The following P2RY8 variants were observed in gnomAD, a reference collection of about 807,000 sequenced individuals.
The protein encoded by P2RY8 is P2Y receptor family member 8.
P2RY8 carries 6 observed loss-of-function variants against 10.0 expected under a neutral mutation model. The ratio of observed to expected loss-of-function variants is 0.60; its 90% CI spans 0.33 to 1.19. The LOEUF (loss-of-function observed/expected upper bound fraction) is 1.19. P2RY8 is among the 50% of genes most tolerant of loss of function. The pLI, the probability that P2RY8 is intolerant of heterozygous loss-of-function variation, is 0.04. For missense variants in P2RY8, 456 were observed against 542.0 expected (o/e 0.84, Z 1.58); for synonymous variants, 276 against 252.5 (o/e 1.09, Z -0.88).
At chrX:1,535,906 C>T (rs1290912053) in intron 1 of P2RY8, among the ~76,000 whole-genome samples, 2 of 152,054 alleles carry the variant, frequency 1.3e-5, no homozygotes, top group Non-Finnish European at 2.9e-5. Context: ...ACAGATCTGA[C>T]AAGACCCAAG....
At chrX:1,471,151 G>A (rs2091779455) in intron 1 of P2RY8, among the ~76,000 whole-genome samples, 1 of 151,694 alleles carries the variant, frequency 6.6e-6, no homozygotes, top group South Asian at 2.1e-4. Context: ...GGGACTACAG[G>A]CATGCATCAC....
intron 1 of P2RY8, among the ~76,000 whole-genome samples, chrX:1,531,068 G>GTCTATCTATCTATCTATCTA (rs1231360384): frequency 1.2e-3 from 187 of 149,928 alleles, no homozygotes; most frequent in Admixed American, 1.7e-3. Flanking sequence ...CTGTCTGTCT[G>GTCTATCTATCTATCTATCTA]TCTATCTATC....
At chrX:1,522,823 C>A (rs1248304755) in intron 1 of P2RY8, among the ~76,000 whole-genome samples, 1 of 150,690 alleles carries the variant, frequency 6.6e-6, no homozygotes, top group African/African-American at 2.4e-5. Context: ...TATCGCAGCA[C>A]TTTGGGAGGC....
chrX:1,496,269 A>G (rs1171548967), intron 1 of P2RY8, among the ~76,000 whole-genome samples: 4 of 152,086 alleles, frequency 2.6e-5, no homozygotes, highest in Non-Finnish European at 5.9e-5. Flanking sequence ...CCCAAAGACC[A>G]TCTCGAGGCC....
chrX:1,515,527 A>G (rs2092340113), intron 1 of P2RY8, among the ~76,000 whole-genome samples: 1 of 150,928 alleles, frequency 6.6e-6, no homozygotes, highest in South Asian at 2.1e-4. Context: ...GCCCGCCATC[A>G]CACCCGGCTA....
intron 1 of P2RY8, among the ~76,000 whole-genome samples, chrX:1,522,261 T>C (rs2092398671): frequency 6.6e-6 from 1 of 151,548 alleles, no homozygotes; most frequent in South Asian, 2.1e-4. Flanking sequence ...CGCCCTCTTT[T>C]TCTCGCTTAA....
intron 1 of P2RY8, among the ~76,000 whole-genome samples, chrX:1,508,703 A>T (rs866028827): frequency 1.6e-3 from 81 of 50,398 alleles, no homozygotes; most frequent in Middle Eastern, 0.012. Context: ...CCATCCATCC[A>T]TTCTATCTAT....
rs774314960 is a variant in P2RY8, at chrX:1,465,620, C to A, written c.939G>T (p.Val313=). 16 of 1,613,318 alleles carry A rather than the reference C, an allele frequency of 9.9e-6. No homozygotes were observed. Among genetic ancestry groups the A allele is most frequent in the South Asian group, 5.5e-5 (5 of 91,076 alleles). The change falls in exon 2 of 2, where the codon GTG becomes GTT. Residue 313 remains valine (V), a synonymous_variant. Transcript: ENST00000381297. ...RLREYLGCRR[V]PRDTLDTRRE... is the part of the protein sequence containing the mutation. ...GGCGCGTGTCCAGGGTGTCTCTGGG[C>A]ACCCGGCGGCAGCCCAAATATTCCC...
At position 1,465,241 on chromosome X, in the gene P2RY8, C is replaced by G. The variant is rs2091647664; in HGVS notation, c.*238G>C. 6.4e-6 allele frequency: 4 copies of G among 622,770 alleles called. No homozygotes were observed. Among genetic ancestry groups the G allele is most frequent in the Non-Finnish European group, 1.1e-5 (4 of 371,724 alleles). 38.6% of individuals were successfully genotyped at this position (622,770 alleles called of 1,614,324 possible). ...CACCCTCTGCAGGATAACAAGCACC[C>G]TGTGCGCTGCTGGGCTTTGCTTGTT... On this transcript the variant is annotated 3_prime_UTR_variant, in exon 2 of 2. Coordinates refer to ENST00000381297, the MANE Select transcript of P2RY8 (RefSeq NM_178129.5).
chrX:1,529,777 C>T (rs28619240), intron 1 of P2RY8, among the ~76,000 whole-genome samples: 129,182 of 152,034 alleles, frequency 0.85, 55,494 homozygotes, highest in East Asian at 0.98. Flanking sequence ...TGTCATCTAT[C>T]TATACCTTTC....
intron 1 of P2RY8, among the ~76,000 whole-genome samples, chrX:1,518,164 G>T (rs1284680713): frequency 6.6e-6 from 1 of 150,718 alleles, no homozygotes; most frequent in Non-Finnish European, 1.5e-5. Context: ...GGTGGCTCAC[G>T]CCCGTCATCT....
chrX:1,490,914 G>A (rs2092040367), intron 1 of P2RY8, among the ~76,000 whole-genome samples: 4 of 141,680 alleles, frequency 2.8e-5, no homozygotes, highest in African/African-American at 1.1e-4. Flanking sequence ...CTGCAAATGT[G>A]GGGGGAATGA....
chrX:1,536,630 C>T lies in P2RY8; in HGVS notation c.-25+291G>A, dbSNP rs765324318. On this transcript the variant is annotated intron_variant, in intron 1 of 1. Coordinates refer to ENST00000381297, the MANE Select transcript of P2RY8 (RefSeq NM_178129.5). The stretch of plus-strand genomic sequence containing the variant: ...CAGGATGGTCTCGAACTCCTGACCT[C>T]GTGATCCGCCCACCTCGGCCTCTGA... Among the ~76,000 whole-genome samples the T allele has an allele frequency of 2.6e-5, 4 of 152,076 alleles. No individual in the cohort carries two copies. In the East Asian group the frequency reaches 7.7e-4, roughly 29 times the overall value.
chrX:1,489,558 T>C (rs2092022108), intron 1 of P2RY8, among the ~76,000 whole-genome samples: 1 of 152,018 alleles, frequency 6.6e-6, no homozygotes, highest in African/African-American at 2.4e-5. Flanking sequence ...CTTCTGCAAA[T>C]GTAGAGAGAA....
intron 1 of P2RY8, among the ~76,000 whole-genome samples, chrX:1,533,417 ATTATATAT>A (rs2092494975): frequency 1.4e-5 from 2 of 144,864 alleles, no homozygotes; most frequent in South Asian, 2.1e-4. Context: ...TTATTTATAT[ATTATATAT>A]TTATATATTT....
Position 1,464,108 on chromosome X carries a change from C to T in P2RY8, c.*1371G>A. On this transcript the variant is annotated 3_prime_UTR_variant, in exon 2 of 2. Transcript: ENST00000381297. ...TCCCCAGTGCACAGAAAGGGAGGGG[C>T]CGGGCATCCAAGGCCACCCACTGCG... is the stretch of plus-strand genomic sequence containing the variant. The T allele has an allele frequency of 4.3e-6, 1 of 233,322 alleles. No individual in the cohort carries two copies. Among genetic ancestry groups the T allele is most frequent in the Non-Finnish European group, 8.5e-6 (1 of 118,088 alleles). 14.5% of individuals were successfully genotyped at this position (233,322 alleles called of 1,614,324 possible). A position where few individuals can be genotyped will look rare whatever the true frequency, so the allele number is the denominator to read the frequency against.
chrX:1,511,757 C>T lies in P2RY8; in HGVS notation c.-25+25164G>A, dbSNP rs868256053. 2.5e-4 allele frequency among the ~76,000 whole-genome samples: 38 copies of T among 152,336 alleles called. No homozygotes were observed. In the Middle Eastern group the frequency reaches 0.01, roughly 41 times the overall value. ...AGCATTGCCTTCAACGGCATGTCTA[C>T]GGATGGCCAGCTGGGTCCCTTCTGG... On this transcript the variant is annotated intron_variant, in intron 1 of 1. Coordinates refer to ENST00000381297, the MANE Select transcript of P2RY8 (RefSeq NM_178129.5).
chrX:1,524,545 CCATCCATGCATGCA>C (rs2092419458), intron 1 of P2RY8, among the ~76,000 whole-genome samples: 2 of 128,444 alleles, frequency 1.6e-5, no homozygotes, highest in Non-Finnish European at 3.4e-5. Flanking sequence ...ATCCATCCAT[CCATCCATGCATGCA>C]TCCATCCATC....
intron 1 of P2RY8, among the ~76,000 whole-genome samples, chrX:1,516,048 T>G (rs2149406681): frequency 6.9e-6 from 1 of 145,650 alleles, no homozygotes; most frequent in South Asian, 2.2e-4. Flanking sequence ...ATACTAAAAA[T>G]TAGCCAGGCG....
Sources: allele counts gnomAD v4.1 joint callset (sites outside exome capture counted in the v4.1 genomes callset), GRCh38; gene constraint gnomAD v4.1.1; transcripts MANE v1.5; gene names NCBI Gene and HGNC (gene_info 2026-07-23, HGNC 2026-07-21).